Variants in ZMYM4 observed in about 807,000 individuals in gnomAD.
ZMYM4 encodes zinc finger MYM-type protein 4.
In ZMYM4, 31 loss-of-function variants were observed where a neutral mutation model predicts 183.2. The observed-to-expected ratio is 0.17, with a 90% CI of 0.13 to 0.23. The LOEUF (loss-of-function observed/expected upper bound fraction) is 0.23, where lower values mean the gene tolerates loss of function less well. Ranked by LOEUF, ZMYM4 falls within the 10% of genes least tolerant of loss-of-function variation. The pLI is 1.00. For missense variants in ZMYM4, 1,273 were observed against 1,840.3 expected (o/e 0.69, Z 5.64); for synonymous variants, 592 against 631.2 (o/e 0.94, Z 0.93).
intron 18 of ZMYM4, among the ~76,000 whole-genome samples, chr1:35,393,955 A>G (rs985317343): frequency 2.0e-5 from 3 of 152,174 alleles, no homozygotes; most frequent in Non-Finnish European, 4.4e-5. Context: ...CAGTGATACC[A>G]TACTGTGAGC....
At chr1:35,411,849 C>A (rs771850641) in intron 26 of ZMYM4, among the ~76,000 whole-genome samples, 1 of 151,936 alleles carries the variant, frequency 6.6e-6, no homozygotes, top group East Asian at 1.9e-4. Flanking sequence ...GTATTTTATT[C>A]TTTTTGATGC....
intron 2 of ZMYM4, among the ~76,000 whole-genome samples, chr1:35,352,165 G>A (rs954324653): frequency 2.0e-5 from 3 of 152,176 alleles, no homozygotes; most frequent in Admixed American, 6.5e-5. Context: ...TTGGGAGGCT[G>A]AGGTGGGAGG....
intron 16 of ZMYM4, 70 bp from the exon 17 acceptor site, chr1:35,392,576 AT>A: frequency 7.0e-7 from 1 of 1,428,322 alleles, no homozygotes; most frequent in Non-Finnish European, 9.7e-7. Context: ...TTATGTACTG[AT>A]AATCAGCTTT....
In ZMYM4 at chr1:35,405,356, G is replaced by A. The variant is rs560610514; in HGVS notation, c.3701-17G>A. On this transcript the variant is annotated splice_polypyrimidine_tract_variant and intron_variant, in intron 24 of 29. Transcript: ENST00000314607. ...TATTTTATTTAAACTTTTCTTTTAT[G>A]TTTCTCTCCTTGTCAGGGGTTGAAC... The A allele has an allele frequency of 1.3e-6, 2 of 1,590,700 alleles. No homozygotes were observed. The highest frequency in any genetic ancestry group is 2.3e-5 in the South Asian group (2 of 86,158).
At chr1:35,284,622 A>G (rs1295005734) in intron 1 of ZMYM4, among the ~76,000 whole-genome samples, 1 of 152,198 alleles carries the variant, frequency 6.6e-6, no homozygotes, top group East Asian at 1.9e-4. Flanking sequence ...GTCGTAACAC[A>G]GTATCATAGT....
chr1:35,406,157 C>T (rs542767109), intron 25 of ZMYM4, among the ~76,000 whole-genome samples: 1 of 152,254 alleles, frequency 6.6e-6, no homozygotes, highest in African/African-American at 2.4e-5. Flanking sequence ...TGTATGCACT[C>T]TTGGCTTCAC....
chr1:35,389,942 T>C lies in ZMYM4; in HGVS notation c.2437-6T>C. On this transcript the variant is annotated splice_polypyrimidine_tract_variant and splice_region_variant and intron_variant, in intron 14 of 29. Transcript: ENST00000314607. The surrounding 1 kb of genome is among the most constrained non-coding windows in gnomAD (Gnocchi z 4.0). ...TCTTACTCCTTGACTACCTTCTTCT[T>C]TTTAGATGGCCAAATGTGATGCTTG... 6.2e-7 allele frequency: 1 copy of C among 1,604,610 alleles called. No homozygotes were observed.
intron 5 of ZMYM4, 148 bp from the exon 6 acceptor site, chr1:35,369,881 C>T: frequency 8.5e-6 from 4 of 471,998 alleles, no homozygotes; most frequent in Non-Finnish European, 1.5e-5. Flanking sequence ...TTATAGTTTG[C>T]TTGCTGTTTT....
At chr1:35,378,345 C>T (rs1178499680) in intron 7 of ZMYM4, among the ~76,000 whole-genome samples, 1 of 152,162 alleles carries the variant, frequency 6.6e-6, no homozygotes, top group Non-Finnish European at 1.5e-5. Context: ...TTTCCAGAAG[C>T]TTTTTAATTT....
At chr1:35,289,962 TTTTTC>T (rs901259995) in intron 1 of ZMYM4, among the ~76,000 whole-genome samples, 16 of 151,884 alleles carry the variant, frequency 1.1e-4, no homozygotes, top group African/African-American at 2.7e-4. Flanking sequence ...TCTTTTCTTT[TTTTTC>T]TTTTCTTTTC....
chr1:35,324,092 G>A (rs909130687), intron 1 of ZMYM4, among the ~76,000 whole-genome samples: 7 of 149,580 alleles, frequency 4.7e-5, no homozygotes, highest in African/African-American at 1.7e-4. Context: ...CTTTTTTTTT[G>A]TTATTTCTTT....
intron 9 of ZMYM4, among the ~76,000 whole-genome samples, chr1:35,383,148 GT>G (rs1644502641): frequency 6.6e-6 from 1 of 152,110 alleles, no homozygotes; most frequent in African/African-American, 2.4e-5. Flanking sequence ...GTAGTTTTGT[GT>G]GTATTAGATT....
At position 35,276,860 on chromosome 1, in the gene ZMYM4, G is replaced by A. The variant is rs140628404; in HGVS notation, c.39+7775G>A. On this transcript the variant is annotated intron_variant, in intron 1 of 29. Coordinates refer to ENST00000314607, the MANE Select transcript of ZMYM4 (RefSeq NM_005095.3). ...GATTTCAAGTGATCCACCCGCCTCC[G>A]CCTCCCAAAGTGCTGGGATTATAGG... 2.8e-3 allele frequency among the ~76,000 whole-genome samples: 431 copies of A among 152,144 alleles called. 1 individual carries two copies. The highest frequency in any genetic ancestry group is 9.9e-3 in the African/African-American group (410 of 41,518).
At chr1:35,343,889 T>C (rs1643296958) in intron 2 of ZMYM4, among the ~76,000 whole-genome samples, 2 of 151,892 alleles carry the variant, frequency 1.3e-5, no homozygotes, top group South Asian at 4.2e-4. Context: ...AAAAATTGTT[T>C]TGGCTTTTCA....
rs994133875 is a variant in ZMYM4, at chr1:35,419,899, C to T, written c.*222C>T. The T allele has an allele frequency of 1.9e-6, 1 of 538,490 alleles. No individual in the cohort carries two copies. The highest frequency in any genetic ancestry group is 3.3e-6 in the Non-Finnish European group (1 of 300,140). The allele number at this position is 538,490 out of a possible 1,614,324, so 33.4% of individuals were successfully genotyped here. A position where few individuals can be genotyped will look rare whatever the true frequency, so the allele number is the denominator to read the frequency against. ...CTTTGGCAGTGATATAGTTCTTAGACATCTTCAGAATGACTAATTTCTCCG... is the reference window on the plus strand; with the variant it reads ...CTTTGGCAGTGATATAGTTCTTAGATATCTTCAGAATGACTAATTTCTCCG... On this transcript the variant is annotated 3_prime_UTR_variant, in exon 30 of 30. Transcript: ENST00000314607.
intron 2 of ZMYM4, among the ~76,000 whole-genome samples, chr1:35,353,466 C>G (rs966503787): frequency 6.6e-6 from 1 of 152,116 alleles, no homozygotes; most frequent in Non-Finnish European, 1.5e-5. Flanking sequence ...CCTAATAGAT[C>G]CATTCTGTTT....
intron 1 of ZMYM4, among the ~76,000 whole-genome samples, chr1:35,284,612 G>A (rs999319888): frequency 3.3e-5 from 5 of 152,162 alleles, no homozygotes; most frequent in African/African-American, 1.2e-4. Flanking sequence ...AGTTTGGGCT[G>A]TCGTAACACA....
chr1:35,285,220 T>A (rs1640418677), intron 1 of ZMYM4, among the ~76,000 whole-genome samples: 1 of 152,134 alleles, frequency 6.6e-6, no homozygotes, highest in Non-Finnish European at 1.5e-5. Context: ...AAAGAGTTAT[T>A]AGGATTTTGA....
chr1:35,359,906 T>TG, intron 3 of ZMYM4, among the ~76,000 whole-genome samples: 1 of 151,668 alleles, frequency 6.6e-6, no homozygotes, highest in African/African-American at 2.4e-5. Context: ...TTTTTTTTAA[T>TG]AAAAAAAACC....
Sources: allele counts gnomAD v4.1 joint callset (sites outside exome capture counted in the v4.1 genomes callset), GRCh38; gene constraint gnomAD v4.1.1; non-coding constraint Gnocchi (gnomAD v3.1); transcripts MANE v1.5; gene names NCBI Gene and HGNC (gene_info 2026-07-23, HGNC 2026-07-21).